The following GLIS3 variants were observed in gnomAD, a reference collection of about 807,000 sequenced individuals.
The protein encoded by GLIS3 is GLIS family zinc finger 3.
In GLIS3, 53 loss-of-function variants were observed where a neutral mutation model predicts 78.6. The ratio of observed to expected loss-of-function variants is 0.67; its 90% CI spans 0.54 to 0.85. The LOEUF is 0.85. GLIS3 is among the 40% of genes least tolerant of loss of function. The pLI, the probability that GLIS3 is intolerant of heterozygous loss-of-function variation, is 0.00. For synonymous variants in GLIS3, 684 were observed against 509.9 expected (o/e 1.34, Z -4.60); for missense variants, 1,703 against 1,231.1 (o/e 1.38, Z -5.74).
chr9:3,883,249 A>ATCTT (rs143667443), intron 7 of GLIS3, among the ~76,000 whole-genome samples: 2,170 of 152,308 alleles, frequency 0.014, 58 homozygotes, highest in African/African-American at 0.049. Context: ...CCAGAATTCA[A>ATCTT]TCTTTATTAA....
In GLIS3 at chr9:4,118,338, C is replaced by T; in HGVS notation, c.1140G>A (p.Ala380=). 4 of 1,576,990 alleles carry T rather than the reference C, an allele frequency of 2.5e-6. No individual in the cohort carries two copies. Among genetic ancestry groups the T allele is most frequent in the Non-Finnish European group, 3.4e-6 (4 of 1,165,174 alleles). ...CCCCGTCCTCGCCGTAGGCCGGCAGCGCCAGGCCTCCAGGGGCCACCAGCA... is the reference window on the plus strand; with the variant it reads ...CCCCGTCCTCGCCGTAGGCCGGCAGTGCCAGGCCTCCAGGGGCCACCAGCA... ...KGVLVAPGGL[A]LPAYGEDGAL... Residue 380 remains alanine (A), a synonymous_variant, in exon 4 of 11, where the codon GCG becomes GCA. Coordinates refer to ENST00000381971, the MANE Select transcript of GLIS3 (RefSeq NM_001042413.2). The surrounding 1 kb of genome is among the most constrained non-coding windows in gnomAD (Gnocchi z 4.7).
At chr9:3,955,703 C>A (rs1817054746) in intron 4 of GLIS3, among the ~76,000 whole-genome samples, 1 of 152,074 alleles carries the variant, frequency 6.6e-6, no homozygotes, top group African/African-American at 2.4e-5. Context: ...GATTAATTTT[C>A]TCTCCCTGCA....
intron 2 of GLIS3, among the ~76,000 whole-genome samples, chr9:4,213,866 A>C (rs1330395082): frequency 6.6e-6 from 1 of 152,002 alleles, no homozygotes; most frequent in Non-Finnish European, 1.5e-5. Flanking sequence ...GTCACAGATC[A>C]AGTGTCCTGC....
intron 6 of GLIS3, among the ~76,000 whole-genome samples, chr9:3,911,397 T>G (rs117620755): frequency 0.021 from 3,267 of 152,346 alleles, 58 homozygotes; most frequent in Middle Eastern, 0.054. Flanking sequence ...GAACCTCTTC[T>G]TGGCTACATT....
rs529430115 is a variant in GLIS3 at position 3,913,137 on chromosome 9, G to A, written c.1984-14302C>T. Among the ~76,000 whole-genome samples, 11 of 152,248 alleles carry A rather than the reference G, an allele frequency of 7.2e-5. No individual in the cohort carries two copies. The East Asian group carries it at 2.1e-3, about 29-fold the overall frequency. On this transcript the variant is annotated intron_variant, in intron 6 of 10. Transcript: ENST00000381971. ...GCCTATGTTACAGCTTAGGAAGTGT[G>A]GGGAGGGACTCACTGTAAAAGTCAG... is the stretch of plus-strand genomic sequence containing the variant.
the GLIS3 span, among the ~76,000 whole-genome samples, chr9:4,379,811 A>G: frequency 1.3e-5 from 2 of 152,366 alleles, no homozygotes; most frequent in South Asian, 2.1e-4. Flanking sequence ...TTGCTTTTGC[A>G]AAAGACAGGT....
chr9:4,413,647 G>A, the GLIS3 span, among the ~76,000 whole-genome samples: 1 of 152,018 alleles, frequency 6.6e-6, no homozygotes, highest in Non-Finnish European at 1.5e-5. Flanking sequence ...CATGACTTAG[G>A]AGGGAACCCT....
At chr9:4,189,955 G>A (rs988093445) in intron 2 of GLIS3, among the ~76,000 whole-genome samples, 3 of 152,046 alleles carry the variant, frequency 2.0e-5, no homozygotes, top group Non-Finnish European at 2.9e-5. Flanking sequence ...AACTCCAAGA[G>A]ACCTGCAGCT....
chr9:4,265,342 G>A (rs1287544588), intron 2 of GLIS3, among the ~76,000 whole-genome samples: 1 of 150,702 alleles, frequency 6.6e-6, no homozygotes, highest in East Asian at 1.9e-4. Context: ...CTAGCATAAT[G>A]TATCGCCTTA....
intron 4 of GLIS3, among the ~76,000 whole-genome samples, chr9:4,100,031 G>A (rs1431287433): frequency 6.6e-6 from 1 of 152,070 alleles, no homozygotes; most frequent in Non-Finnish European, 1.5e-5. Flanking sequence ...CTCCCATACT[G>A]GATTTTGTAA....
At chr9:3,902,407 C>A (rs949324579) in intron 6 of GLIS3, among the ~76,000 whole-genome samples, 1 of 152,188 alleles carries the variant, frequency 6.6e-6, no homozygotes, top group Admixed American at 6.5e-5. Flanking sequence ...AGGCACATAG[C>A]AGAATCTCTT....
In GLIS3 at chr9:4,086,669, G is replaced by C. The variant is rs145339230; in HGVS notation, c.1710+31099C>G. Among the ~76,000 whole-genome samples the C allele has an allele frequency of 1.3e-4, 20 of 152,332 alleles. No individual in the cohort carries two copies. The South Asian group carries it at 2.3e-3, about 17-fold the overall frequency. On this transcript the variant is annotated intron_variant, in intron 4 of 10. Transcript: ENST00000381971. ...CTGTATGTCCTTTTGGAGAGTTTTAGATTTTTTTACCATGTAAATGTACCA... is the reference window on the plus strand; with the variant it reads ...CTGTATGTCCTTTTGGAGAGTTTTACATTTTTTTACCATGTAAATGTACCA...
At chr9:4,143,735 C>G (rs10123811) in intron 2 of GLIS3, among the ~76,000 whole-genome samples, 2 of 151,862 alleles carry the variant, frequency 1.3e-5, no homozygotes, top group East Asian at 3.9e-4. Flanking sequence ...ATTTTCCCCA[C>G]CTCCCAACCC....
the GLIS3 span, among the ~76,000 whole-genome samples, chr9:4,435,676 G>C: frequency 6.6e-6 from 1 of 152,190 alleles, no homozygotes; most frequent in African/African-American, 2.4e-5. Context: ...TAGGCCAGGC[G>C]CGGTGGCTCA....
intron 4 of GLIS3, among the ~76,000 whole-genome samples, chr9:4,089,519 CA>C (rs1829315185): frequency 6.6e-6 from 1 of 151,938 alleles, no homozygotes; most frequent in Non-Finnish European, 1.5e-5. Context: ...AGAACATTGC[CA>C]AAATGTTAAA....
At chr9:4,480,472 A>C in the GLIS3 span, among the ~76,000 whole-genome samples, 1 of 152,104 alleles carries the variant, frequency 6.6e-6, no homozygotes, top group African/African-American at 2.4e-5. Flanking sequence ...AAGTGCTAGG[A>C]TTATAGGCAT....
intron 2 of GLIS3, among the ~76,000 whole-genome samples, chr9:4,214,024 G>C (rs1237167988): frequency 6.6e-6 from 1 of 151,964 alleles, no homozygotes; most frequent in Non-Finnish European, 1.5e-5. Context: ...GCAAGGTTAA[G>C]AGATAGTGCT....
At position 3,825,955 on chromosome 9, in the gene GLIS3, GC is replaced by G. The variant is rs1354454906; in HGVS notation, c.*2316del. 1 of 152,172 alleles carries G rather than the reference GC, an allele frequency of 6.6e-6. No individual in the cohort carries two copies. Among genetic ancestry groups the G allele is most frequent in the Non-Finnish European group, 1.5e-5 (1 of 68,038 alleles). The allele number at this position is 152,172 out of a possible 1,614,324, so 9.4% of individuals were successfully genotyped here. ...TTACGCCCTCTTTAGAGTCCCTCTT[GC>G]CCCTGTGAGGTAAGAAAGGGGCAGG... On this transcript the variant is annotated 3_prime_UTR_variant, in exon 11 of 11. Coordinates refer to ENST00000381971, the MANE Select transcript of GLIS3 (RefSeq NM_001042413.2).
chr9:4,220,248 G>C (rs563493063), intron 2 of GLIS3, among the ~76,000 whole-genome samples: 2 of 152,294 alleles, frequency 1.3e-5, no homozygotes, highest in Non-Finnish European at 2.9e-5. Flanking sequence ...AATTTAGAAA[G>C]AATGATGGAG....
Sources: allele counts gnomAD v4.1 joint callset (sites outside exome capture counted in the v4.1 genomes callset), GRCh38; gene constraint gnomAD v4.1.1; non-coding constraint Gnocchi (gnomAD v3.1); transcripts MANE v1.5; gene names NCBI Gene and HGNC (gene_info 2026-07-23, HGNC 2026-07-21).